Variants in L3MBTL4 observed in about 807,000 individuals in gnomAD.
L3MBTL4 encodes L3MBTL histone methyl-lysine binding protein 4, also known as lethal(3)malignant brain tumor-like protein 4.
Under a neutral mutation model 84.5 loss-of-function variants are expected in L3MBTL4, and 70 were observed. The observed-to-expected ratio is 0.83, with a 90% CI of 0.68 to 1.01. The LOEUF (loss-of-function observed/expected upper bound fraction) is 1.01. Among genes scored for constraint, L3MBTL4 ranks in the 50% least tolerant of loss-of-function variants. L3MBTL4 has a pLI of 0.00. For synonymous variants in L3MBTL4, 274 were observed against 259.8 expected (o/e 1.05, Z -0.52); for missense variants, 715 against 754.8 (o/e 0.95, Z 0.62).
At position 6,189,578 on chromosome 18, in the gene L3MBTL4, T is replaced by C. The variant is rs148495802; in HGVS notation, c.982-17636A>G. ...CAGCCAATAGAAGCAAATACACAGA[T>C]GATCCAGATGTTAAAACTAGCAAAA... On this transcript the variant is annotated intron_variant, in intron 12 of 18. Coordinates refer to ENST00000317931, the MANE Select transcript of L3MBTL4 (RefSeq NM_001330559.2). 3.7e-3 allele frequency among the ~76,000 whole-genome samples: 564 copies of C among 152,300 alleles called. 1 individual carries two copies. The highest frequency in any genetic ancestry group is 0.012 in the African/African-American group (513 of 41,554).
chr18:6,278,609 C>T (rs1358596547), intron 4 of L3MBTL4, among the ~76,000 whole-genome samples: 3 of 152,100 alleles, frequency 2.0e-5, no homozygotes, highest in Non-Finnish European at 2.9e-5. Flanking sequence ...TACAAAGAAA[C>T]TTTCACCTTT....
intron 13 of L3MBTL4, among the ~76,000 whole-genome samples, chr18:6,148,000 G>A (rs894063289): frequency 6.6e-6 from 1 of 152,156 alleles, no homozygotes; most frequent in African/African-American, 2.4e-5. Flanking sequence ...CAGTATCAGG[G>A]AGATCAGAGG....
intron 10 of L3MBTL4, among the ~76,000 whole-genome samples, chr18:6,217,616 G>T (rs1053509330): frequency 6.6e-6 from 1 of 152,150 alleles, no homozygotes; most frequent in African/African-American, 2.4e-5. Flanking sequence ...GTGATAAGAA[G>T]TATACATTTA....
intron 16 of L3MBTL4, among the ~76,000 whole-genome samples, chr18:6,003,325 T>C (rs1300774758): frequency 2.6e-5 from 4 of 151,556 alleles, no homozygotes; most frequent in Non-Finnish European, 4.4e-5. Context: ...GGGTGTGATA[T>C]ATTAATAAAA....
At chr18:6,383,608 C>A (rs1007438812) in intron 1 of L3MBTL4, among the ~76,000 whole-genome samples, 3 of 152,166 alleles carry the variant, frequency 2.0e-5, no homozygotes, top group African/African-American at 7.2e-5. Context: ...CGACGCCCTG[C>A]CCTGTTTCGG....
At chr18:6,046,527 TA>T (rs935089601) in intron 16 of L3MBTL4, among the ~76,000 whole-genome samples, 2 of 151,872 alleles carry the variant, frequency 1.3e-5, no homozygotes, top group Non-Finnish European at 2.9e-5. Context: ...CTCAATAAAT[TA>T]AAAAAAATTA....
intron 1 of L3MBTL4, among the ~76,000 whole-genome samples, chr18:6,367,910 T>C (rs1171615339): frequency 6.6e-6 from 1 of 152,088 alleles, no homozygotes; most frequent in African/African-American, 2.4e-5. Context: ...TCCCATTTTA[T>C]AAAGAAATGA....
At chr18:6,380,678 G>A (rs1409634633) in intron 1 of L3MBTL4, among the ~76,000 whole-genome samples, 1 of 152,194 alleles carries the variant, frequency 6.6e-6, no homozygotes, top group Non-Finnish European at 1.5e-5. Flanking sequence ...TGTGGTCTGA[G>A]AGACAGTTTA....
In L3MBTL4 at chr18:6,089,039, T is replaced by C. The variant is rs139561906; in HGVS notation, c.1373+4316A>G. On this transcript the variant is annotated intron_variant, in intron 15 of 18. Transcript: ENST00000317931. ...TAACGAATGGTGGTGCTATCAATTG[T>C]GTGAATTAGAATATATTAAACAATG... is the stretch of plus-strand genomic sequence containing the variant. 3.4e-3 allele frequency among the ~76,000 whole-genome samples: 511 copies of C among 152,184 alleles called. 2 individuals are homozygous for C. The highest frequency in any genetic ancestry group is 0.011 in the African/African-American group (477 of 41,510).
chr18:5,997,940 C>T (rs2054051453), intron 16 of L3MBTL4, among the ~76,000 whole-genome samples: 2 of 152,148 alleles, frequency 1.3e-5, no homozygotes, highest in East Asian at 1.9e-4. Flanking sequence ...GGAACCAATC[C>T]CCCAGGGATA....
At chr18:6,342,459 A>T (rs1332198807) in intron 1 of L3MBTL4, among the ~76,000 whole-genome samples, 1 of 152,176 alleles carries the variant, frequency 6.6e-6, no homozygotes, top group African/African-American at 2.4e-5. Context: ...GGTGAAGTAA[A>T]TGTATTGAGT....
chr18:6,222,424 C>G lies in L3MBTL4; in HGVS notation c.785-6589G>C, dbSNP rs577783905. ...GAAATAAACTCTCTTTTGTGTCTGG[C>G]GAGATCACCAGAAAACAACCTATCT... On this transcript the variant is annotated intron_variant, in intron 10 of 18. Transcript: ENST00000317931. 2.2e-3 allele frequency among the ~76,000 whole-genome samples: 334 copies of G among 152,248 alleles called. 1 individual carries two copies. Among genetic ancestry groups the G allele is most frequent in the African/African-American group, 7.8e-3 (323 of 41,534 alleles).
chr18:6,185,338 C>A (rs1275536615), intron 12 of L3MBTL4, among the ~76,000 whole-genome samples: 5 of 152,226 alleles, frequency 3.3e-5, no homozygotes, highest in African/African-American at 1.2e-4. Context: ...CCCTCCAGAT[C>A]CATACGGTGC....
intron 16 of L3MBTL4, 137 bp downstream of exon 16, chr18:6,080,744 C>T (rs897393826): frequency 8.2e-6 from 5 of 607,598 alleles, no homozygotes; most frequent in East Asian, 2.9e-5. Context: ...GGAACTAGAA[C>T]ACAAGTCTCT....
intron 15 of L3MBTL4, among the ~76,000 whole-genome samples, chr18:6,085,452 T>C (rs2058227151): frequency 6.6e-6 from 1 of 152,218 alleles, no homozygotes; most frequent in Admixed American, 6.5e-5. Context: ...GGCTGTGGTT[T>C]CCCACCCAAA....
chr18:6,202,429 G>C (rs1332315190), intron 12 of L3MBTL4, among the ~76,000 whole-genome samples: 1 of 152,110 alleles, frequency 6.6e-6, no homozygotes, highest in Non-Finnish European at 1.5e-5. Context: ...GAGTCATGTG[G>C]TCCAGTCCAT....
At chr18:6,158,440 CA>C (rs1269200491) in intron 13 of L3MBTL4, among the ~76,000 whole-genome samples, 1 of 152,078 alleles carries the variant, frequency 6.6e-6, no homozygotes, top group Non-Finnish European at 1.5e-5. Context: ...CATATATATA[CA>C]AAGGCCTTAG....
chr18:6,415,114 G>T (rs1044209772), upstream of L3MBTL4: 1 of 152,200 alleles, frequency 6.6e-6, no homozygotes, highest in African/African-American at 2.4e-5. Flanking sequence ...GTCCTTCTCT[G>T]TATTCGTTCC....
chr18:6,336,689 T>G (rs1267584574), intron 1 of L3MBTL4, among the ~76,000 whole-genome samples: 1 of 152,172 alleles, frequency 6.6e-6, no homozygotes, highest in African/African-American at 2.4e-5. Flanking sequence ...TTCATCTGCC[T>G]TGCAGAAAAA....
Sources: gnomAD v4.1 joint callset for allele counts (sites outside exome capture counted in the v4.1 genomes callset) on GRCh38, gnomAD v4.1.1 for gene constraint, MANE v1.5 for transcripts, NCBI Gene and HGNC (gene_info 2026-07-23, HGNC 2026-07-21) for gene names.